EPHA5: variants seen among roughly 807,000 people sequenced by gnomAD.
The protein encoded by EPHA5 is EPH receptor A5, also known as ephrin type-A receptor 5.
EPHA5 carries 60 observed loss-of-function variants against 105.0 expected under a neutral mutation model. The ratio of observed to expected loss-of-function variants is 0.57; its 90% confidence interval spans 0.46 to 0.71. EPHA5 has a LOEUF of 0.71. Among genes scored for constraint, EPHA5 ranks in the 30% least tolerant of loss-of-function variants. The pLI is 0.00. For synonymous variants in EPHA5, 513 were observed against 449.1 expected, an observed-to-expected ratio of 1.14 and a Z score of -1.80; for missense variants, 1,218 against 1,274.7, an observed-to-expected ratio of 0.96 and a Z score of 0.68.
At chr4:65,447,145 C>A (rs1176257760) in intron 5 of EPHA5, among the ~76,000 whole-genome samples, 1 of 151,732 alleles carries the variant, frequency 6.6e-6, no homozygotes, top group Non-Finnish European at 1.5e-5. Context: ...TGCCACCACA[C>A]CTGGCTAATT....
At chr4:65,640,511 C>A (rs1039867850) in intron 2 of EPHA5, among the ~76,000 whole-genome samples, 1 of 152,070 alleles carries the variant, frequency 6.6e-6, no homozygotes, top group Non-Finnish European at 1.5e-5. Context: ...TGGTCTCGAT[C>A]TCCTGACCTC....
chr4:65,669,080 A>G (rs1352541572), intron 1 of EPHA5, among the ~76,000 whole-genome samples: 1 of 152,036 alleles, frequency 6.6e-6, no homozygotes. Flanking sequence ...AAAAGCATCC[A>G]GCCACCCCCA....
At chr4:65,424,987 C>T (rs1724287304) in intron 5 of EPHA5, among the ~76,000 whole-genome samples, 2 of 151,962 alleles carry the variant, frequency 1.3e-5, no homozygotes, top group African/African-American at 4.8e-5. Context: ...ATAGCCAACA[C>T]TTTTTGTGTA....
At chr4:65,444,884 T>C (rs1726367221) in intron 5 of EPHA5, among the ~76,000 whole-genome samples, 1 of 152,018 alleles carries the variant, frequency 6.6e-6, no homozygotes, top group Non-Finnish European at 1.5e-5. Context: ...CTCATATTCC[T>C]GGGTACCTAA....
At chr4:65,531,192 C>A (rs1265150880) in intron 3 of EPHA5, among the ~76,000 whole-genome samples, 1 of 150,374 alleles carries the variant, frequency 6.7e-6, no homozygotes, top group African/African-American at 2.4e-5. Context: ...CGCCCGCCAC[C>A]GCGCCCGGCT....
intron 1 of EPHA5, among the ~76,000 whole-genome samples, chr4:65,643,743 A>G (rs1430268974): frequency 3.9e-5 from 6 of 151,984 alleles, no homozygotes; most frequent in Non-Finnish European, 7.4e-5. Flanking sequence ...GTAAGCCCAC[A>G]AAAATGAAAC....
rs1262124055 is a variant in EPHA5, at chr4:65,323,148, G to GT, written c.*965dup. On this transcript the variant is annotated 3_prime_UTR_variant, in exon 17 of 17. Transcript: ENST00000613740. ...TGCATTGTCACTGATATCACAAAAT[G>GT]TTTTTAAAAAGCCAAAGGGGATTTA... 6.1e-5 allele frequency: 14 copies of GT among 228,422 alleles called. No individual in the cohort carries two copies. Among genetic ancestry groups the GT allele is most frequent in the Non-Finnish European group, 1.1e-4 (13 of 115,076 alleles). 14.1% of individuals were successfully genotyped at this position (228,422 alleles called of 1,614,324 possible). A position where few individuals can be genotyped will look rare whatever the true frequency, so the allele number is the denominator to read the frequency against.
At chr4:65,530,660 T>C (rs1370974666) in intron 3 of EPHA5, among the ~76,000 whole-genome samples, 1 of 152,230 alleles carries the variant, frequency 6.6e-6, no homozygotes, top group African/African-American at 2.4e-5. Flanking sequence ...AATTTCTGAA[T>C]GACAGACTTC....
rs2148892001 is a variant in EPHA5 at position 65,365,933 on chromosome 4, T to C, written c.1986A>G (p.Ala662=). The change falls in exon 10 of 17, where the codon GCA becomes GCG. Residue 662 remains alanine (A), a splice_region_variant and synonymous_variant. Transcript: ENST00000613740. ...TGAAAGTCAAACACATTGTCGTACC[T>C]GCTCCAATAACTCTCTCAATGGTGA... is the stretch of plus-strand genomic sequence containing the variant. The part of the protein sequence containing the change: ...SCITIERVIG[A]GEFGEVCSGR... 2 of 1,605,980 alleles carry C rather than the reference T, an allele frequency of 1.2e-6. No individual in the cohort carries two copies. The highest frequency in any genetic ancestry group is 1.7e-6 in the Non-Finnish European group (2 of 1,174,312).
chr4:65,635,681 C>T (rs1747058210), intron 2 of EPHA5, among the ~76,000 whole-genome samples: 1 of 152,076 alleles, frequency 6.6e-6, no homozygotes. Flanking sequence ...TAATTTTATT[C>T]TCACAAGAAT....
intron 3 of EPHA5, among the ~76,000 whole-genome samples, chr4:65,538,047 G>A (rs1376979932): frequency 6.6e-6 from 1 of 151,720 alleles, no homozygotes; most frequent in African/African-American, 2.4e-5. Context: ...CCTAAAGGAA[G>A]GAAGATGTAT....
At chr4:65,528,623 T>A (rs1735468873) in intron 3 of EPHA5, among the ~76,000 whole-genome samples, 1 of 152,218 alleles carries the variant, frequency 6.6e-6, no homozygotes, top group Non-Finnish European at 1.5e-5. Context: ...GCATACTATG[T>A]ACTTGTCAAC....
At chr4:65,354,269 G>A (rs189222828) in intron 11 of EPHA5, among the ~76,000 whole-genome samples, 200 of 151,886 alleles carry the variant, frequency 1.3e-3, no homozygotes, top group African/African-American at 4.5e-3. Context: ...CTAGATGTAA[G>A]TTGACCAAGA....
At chr4:65,597,691 T>TAAG (rs1318815372) in intron 3 of EPHA5, among the ~76,000 whole-genome samples, 3 of 152,208 alleles carry the variant, frequency 2.0e-5, no homozygotes, top group Admixed American at 6.5e-5. Context: ...CACTATATTT[T>TAAG]AAGTTCATAC....
chr4:65,506,043 T>C (rs1294304599), intron 3 of EPHA5, among the ~76,000 whole-genome samples: 1 of 152,014 alleles, frequency 6.6e-6, no homozygotes, highest in Non-Finnish European at 1.5e-5. Context: ...ATGCTCCCCT[T>C]CCTGTGTCCA....
intron 3 of EPHA5, among the ~76,000 whole-genome samples, chr4:65,513,401 T>G (rs1024377164): frequency 1.3e-5 from 2 of 152,160 alleles, no homozygotes; most frequent in African/African-American, 4.8e-5. Flanking sequence ...GTTTTGTTTT[T>G]TCTGAGTTGG....
chr4:65,397,985 C>A (rs1246914502), intron 8 of EPHA5, among the ~76,000 whole-genome samples: 4 of 152,156 alleles, frequency 2.6e-5, no homozygotes, highest in African/African-American at 9.7e-5. Flanking sequence ...GGGCTGTGTG[C>A]TCCATGAAAT....
At chr4:65,390,454 G>A (rs887286547) in intron 8 of EPHA5, among the ~76,000 whole-genome samples, 2 of 151,992 alleles carry the variant, frequency 1.3e-5, no homozygotes, top group African/African-American at 4.8e-5. Flanking sequence ...TTTCTCTGAT[G>A]GCCCTGCATG....
Position 65,332,029 on chromosome 4 carries a change from C to T in EPHA5, c.2889G>A (p.Glu963=), listed in dbSNP as rs2148798481. ...AACTGTATCCATTTTCCATGAAAAT[C>T]TCTGTATACCGGCCCATCTTGATTG... ...LEAIKMGRYT[E]IFMENGYSSM... The change falls in exon 16 of 17, where the codon GAG becomes GAA. Residue 963 remains glutamate (E), a synonymous_variant. Transcript: ENST00000613740. 1.2e-6 allele frequency: 2 copies of T among 1,611,916 alleles called. No individual in the cohort carries two copies. The highest frequency in any genetic ancestry group is 1.7e-6 in the Non-Finnish European group (2 of 1,178,652).
Sources: gnomAD v4.1 joint callset for allele counts (sites outside exome capture counted in the v4.1 genomes callset) on GRCh38, gnomAD v4.1.1 for gene constraint, MANE v1.5 for transcripts, NCBI Gene and HGNC (gene_info 2026-07-23, HGNC 2026-07-21) for gene names.